The following CSMD3 variants were observed in gnomAD, a reference collection of about 807,000 sequenced individuals.
CSMD3 encodes the protein CUB and sushi domain-containing protein 3.
CSMD3 carries 177 observed loss-of-function variants against 435.2 expected under a neutral mutation model. The observed-to-expected ratio is 0.41, with a 90% confidence interval of 0.36 to 0.46. CSMD3 has a LOEUF of 0.46. CSMD3 is among the 20% of genes least tolerant of loss of function. CSMD3 has a pLI of 0.34. For missense variants in CSMD3, 4,265 were observed against 4,504.6 expected (o/e 0.95, Z 1.52); for synonymous variants, 1,656 against 1,520.5 (o/e 1.09, Z -2.07).
chr8:112,363,316 G>T (rs1188128077), intron 38 of CSMD3, among the ~76,000 whole-genome samples: 2 of 151,932 alleles, frequency 1.3e-5, no homozygotes, highest in Non-Finnish European at 2.9e-5. Context: ...CTGAAGTGAG[G>T]ATGTCCATTT....
intron 35 of CSMD3, among the ~76,000 whole-genome samples, chr8:112,405,203 AAAAAAAC>A (rs1458446724): frequency 2.5e-5 from 1 of 40,034 alleles, no homozygotes; most frequent in Non-Finnish European, 5.4e-5. Flanking sequence ...AAAAAAAAAA[AAAAAAAC>A]CCCCATATAT....
intron 13 of CSMD3, among the ~76,000 whole-genome samples, chr8:112,690,880 A>C: frequency 6.6e-6 from 1 of 152,078 alleles, no homozygotes; most frequent in East Asian, 1.9e-4. Context: ...ACAATAGTAA[A>C]AAAAAATACA....
chr8:112,436,964 C>T (rs1455657828), intron 32 of CSMD3, among the ~76,000 whole-genome samples: 1 of 152,004 alleles, frequency 6.6e-6, no homozygotes, highest in African/African-American at 2.4e-5. Flanking sequence ...AAATCCTCAT[C>T]ATTTTGTATT....
Position 112,937,362 on chromosome 8 carries a change from T to A in CSMD3, c.1508+10428A>T, listed in dbSNP as rs1316483291. ...GACCTAGGTAATAATGTTTTTTTTT[T>A]TTTTTTGAGACAGAGTCTCTCTCTG... On this transcript the variant is annotated intron_variant, in intron 9 of 70. Coordinates refer to ENST00000297405, the MANE Select transcript of CSMD3 (RefSeq NM_198123.2). Among the ~76,000 whole-genome samples, 58 of 151,244 alleles carry A rather than the reference T, an allele frequency of 3.8e-4. 1 individual carries two copies. In the East Asian group the frequency reaches 0.011, roughly 28 times the overall value.
At chr8:112,790,982 AT>A (rs1360356736) in intron 13 of CSMD3, among the ~76,000 whole-genome samples, 2 of 152,102 alleles carry the variant, frequency 1.3e-5, no homozygotes, top group African/African-American at 4.8e-5. Context: ...AGTTTGATAA[AT>A]TTTCACACAT....
chr8:112,562,567 A>G (rs1251984539), intron 24 of CSMD3, among the ~76,000 whole-genome samples: 1 of 151,348 alleles, frequency 6.6e-6, no homozygotes, highest in East Asian at 2.0e-4. Flanking sequence ...TTAGAGAAAT[A>G]TGCTTGCCAA....
chr8:112,303,164 A>G (rs982815380), intron 52 of CSMD3, among the ~76,000 whole-genome samples: 6 of 152,170 alleles, frequency 3.9e-5, no homozygotes, highest in Non-Finnish European at 8.8e-5. Flanking sequence ...TGCCCTTTAA[A>G]AACAAATTAT....
chr8:113,126,396 A>AT (rs1177293303), intron 4 of CSMD3, among the ~76,000 whole-genome samples: 2 of 151,936 alleles, frequency 1.3e-5, no homozygotes, highest in Non-Finnish European at 2.9e-5. Flanking sequence ...TATATCAAAA[A>AT]ATATATATAT....
chr8:112,497,329 ACT>A (rs982141028), intron 30 of CSMD3, among the ~76,000 whole-genome samples: 12 of 151,976 alleles, frequency 7.9e-5, no homozygotes, highest in Admixed American at 3.9e-4. Flanking sequence ...ACAATAATTT[ACT>A]GTATCTTTAA....
At chr8:113,278,547 G>A (rs771540614) in intron 3 of CSMD3, 45 bp downstream of exon 3, 1 of 908,538 alleles carries the variant, frequency 1.1e-6, no homozygotes, top group Non-Finnish European at 1.9e-6. Context: ...AATTTTGTTA[G>A]ATTACATTAA....
intron 5 of CSMD3, among the ~76,000 whole-genome samples, chr8:113,041,917 A>G (rs957323618): frequency 6.6e-6 from 1 of 152,150 alleles, no homozygotes; most frequent in Non-Finnish European, 1.5e-5. Context: ...TTTCCTATGC[A>G]GCTGTCAGTT....
chr8:113,430,931 A>G (rs2094668458), intron 1 of CSMD3, among the ~76,000 whole-genome samples: 1 of 152,172 alleles, frequency 6.6e-6, no homozygotes. Context: ...AAGACATGAA[A>G]TATATTTGAT....
chr8:113,307,599 T>A (rs1385233558), intron 2 of CSMD3, among the ~76,000 whole-genome samples: 1 of 152,108 alleles, frequency 6.6e-6, no homozygotes, highest in Admixed American at 6.5e-5. Flanking sequence ...AGTAACAGAT[T>A]GGAAGAAAAT....
intron 16 of CSMD3, among the ~76,000 whole-genome samples, chr8:112,671,174 A>G (rs1449084082): frequency 1.3e-5 from 2 of 152,140 alleles, no homozygotes; most frequent in Non-Finnish European, 2.9e-5. Flanking sequence ...CTAAATTTAG[A>G]CAGGCTTCTT....
At chr8:112,354,325 T>G (rs939257845) in intron 38 of CSMD3, among the ~76,000 whole-genome samples, 1 of 152,162 alleles carries the variant, frequency 6.6e-6, no homozygotes, top group Non-Finnish European at 1.5e-5. Flanking sequence ...GTACTCAACA[T>G]AATTCTGGAA....
intron 5 of CSMD3, among the ~76,000 whole-genome samples, chr8:113,025,555 C>T (rs571430050): frequency 1.4e-3 from 218 of 152,246 alleles, no homozygotes; most frequent in Non-Finnish European, 2.2e-3. Flanking sequence ...AGGAGCATAC[C>T]GATGCAGTGA....
At chr8:113,143,713 C>T (rs983945084) in intron 4 of CSMD3, among the ~76,000 whole-genome samples, 1 of 151,362 alleles carries the variant, frequency 6.6e-6, no homozygotes, top group African/African-American at 2.4e-5. Context: ...AAATTACATA[C>T]TTTGTTTCCA....
intron 53 of CSMD3, among the ~76,000 whole-genome samples, chr8:112,299,232 G>A (rs981906096): frequency 2.6e-5 from 4 of 152,024 alleles, no homozygotes; most frequent in Non-Finnish European, 5.9e-5. Context: ...AGGGGCATAA[G>A]AAAACTTTCT....
intron 1 of CSMD3, among the ~76,000 whole-genome samples, chr8:113,349,772 A>C (rs1378634903): frequency 4.6e-5 from 7 of 152,110 alleles, no homozygotes; most frequent in Non-Finnish European, 1.5e-5. Context: ...CAATCTGCAA[A>C]ATCGGTAACT....
Sources: allele counts gnomAD v4.1 joint callset (sites outside exome capture counted in the v4.1 genomes callset), GRCh38; gene constraint gnomAD v4.1.1; transcripts MANE v1.5; gene names NCBI Gene and HGNC (gene_info 2026-07-23, HGNC 2026-07-21).